SHOC1: variants seen among roughly 807,000 people sequenced by gnomAD.
The protein encoded by SHOC1 is protein shortage in chiasmata 1 ortholog.
SHOC1 carries 136 observed loss-of-function variants against 179.2 expected under a neutral mutation model. The ratio of observed to expected loss-of-function variants is 0.76; its 90% CI spans 0.66 to 0.87. SHOC1 has a LOEUF of 0.87. SHOC1 is among the 40% of genes least tolerant of loss of function. SHOC1 has a pLI of 0.00. For synonymous variants in SHOC1, 489 were observed against 586.6 expected, an observed-to-expected ratio of 0.83 and a Z score of 2.41; for missense variants, 1,538 against 1,700.8, an observed-to-expected ratio of 0.90 and a Z score of 1.68.
At chr9:111,737,006 T>C (rs968466659) in intron 12 of SHOC1, among the ~76,000 whole-genome samples, 15 of 152,098 alleles carry the variant, frequency 9.9e-5, no homozygotes, top group African/African-American at 3.6e-4. Flanking sequence ...AAAGCTACAA[T>C]GAGGTACCAT....
At chr9:111,792,359 A>G (rs1836476160) in intron 1 of SHOC1, among the ~76,000 whole-genome samples, 1 of 151,982 alleles carries the variant, frequency 6.6e-6, no homozygotes, top group African/African-American at 2.4e-5. Context: ...GAGGTGGTGG[A>G]TCACTTGAGG....
Position 111,722,528 on chromosome 9 carries a change from T to C in SHOC1, c.2012A>G (p.Asn671Ser). The change falls in exon 15 of 28, where the codon AAC becomes AGC. Residue 671 changes from asparagine (N) to serine (S), a missense_variant. By Grantham distance (46) the Asn-to-Ser change is conservative. Coordinates refer to ENST00000682961, the MANE Select transcript of SHOC1 (RefSeq NM_001378211.1). ...LEAAASPILK[N>S]LVSLCTLPTA... ...AGGGAGGGTACACAAGGATACAAGGTTTTTTAAGATAGGAGAAGCTGCTGC... is the reference window on the plus strand; with the variant it reads ...AGGGAGGGTACACAAGGATACAAGGCTTTTTAAGATAGGAGAAGCTGCTGC... The C allele has an allele frequency of 6.2e-7, 1 of 1,609,234 alleles. No individual in the cohort carries two copies.
rs1832284501 is a variant in SHOC1, at chr9:111,706,557, T to C, written c.2737+11A>G. Reference sequence around the variant, plus strand: ...ATAAAGCAAAAAAAGGATTTTGGCTTATATTCTTACTTTCTAAAACTGTGT... The same window carrying C: ...ATAAAGCAAAAAAAGGATTTTGGCTCATATTCTTACTTTCTAAAACTGTGT... On this transcript the variant is annotated intron_variant, in intron 20 of 27. Coordinates refer to ENST00000682961, the MANE Select transcript of SHOC1 (RefSeq NM_001378211.1). The C allele has an allele frequency of 6.7e-7, 1 of 1,487,054 alleles. No individual in the cohort carries two copies. The highest frequency in any genetic ancestry group is 2.5e-5 in the East Asian group (1 of 40,500). The allele number at this position is 1,487,054 out of a possible 1,614,324, so 92.1% of individuals were successfully genotyped here.
chr9:111,771,451 G>A (rs1372722390), intron 5 of SHOC1, among the ~76,000 whole-genome samples: 1 of 152,080 alleles, frequency 6.6e-6, no homozygotes, highest in Non-Finnish European at 1.5e-5. Flanking sequence ...AGTATTCTCA[G>A]TATTCTAGAG....
In SHOC1 at chr9:111,727,628, C is replaced by A; in HGVS notation, c.1834+5G>T. On this transcript the variant is annotated splice_donor_5th_base_variant and intron_variant, in intron 13 of 27. Transcript: ENST00000682961. Reference sequence around the variant, plus strand: ...TCTACGGCAAAATATTATTAAATTACTTACCATGTTTTTCATCACTGTTTG... The same window carrying A: ...TCTACGGCAAAATATTATTAAATTAATTACCATGTTTTTCATCACTGTTTG... 1 of 1,553,418 alleles carries A rather than the reference C, an allele frequency of 6.4e-7. No individual in the cohort carries two copies. Among genetic ancestry groups the A allele is most frequent in the East Asian group, 2.3e-5 (1 of 44,042 alleles).
intron 13 of SHOC1, among the ~76,000 whole-genome samples, chr9:111,725,694 G>A (rs957967915): frequency 6.6e-6 from 1 of 152,132 alleles, no homozygotes; most frequent in African/African-American, 2.4e-5. Flanking sequence ...AAAGAGGCCA[G>A]GAACTTAACA....
chr9:111,702,036 C>T lies in SHOC1; in HGVS notation c.3089+69G>A, dbSNP rs1023366348. 3 of 1,139,336 alleles carry T rather than the reference C, an allele frequency of 2.6e-6. No homozygotes were observed. In the African/African-American group the frequency reaches 4.9e-5, roughly 19 times the overall value. 70.6% of individuals were successfully genotyped at this position (1,139,336 alleles called of 1,614,324 possible). The stretch of plus-strand genomic sequence containing the variant: ...CATGCAGAAAATTGCATAGCCATTT[C>T]CATTCAAATAAGAGGACTTAGGATT... On this transcript the variant is annotated intron_variant, in intron 23 of 27. Transcript: ENST00000682961.
intron 19 of SHOC1, 46 bp downstream of exon 19, chr9:111,707,809 G>A: frequency 7.7e-7 from 1 of 1,305,340 alleles, no homozygotes; most frequent in Non-Finnish European, 1.1e-6. Flanking sequence ...CTTTTCCTGT[G>A]AAACTGGTAC....
chr9:111,736,733 A>C (rs1411776607), intron 12 of SHOC1, among the ~76,000 whole-genome samples: 1 of 152,220 alleles, frequency 6.6e-6, no homozygotes, highest in Non-Finnish European at 1.5e-5. Context: ...ATGAAACTAA[A>C]GAGCTTCTGC....
intron 24 of SHOC1, 57 bp downstream of exon 24, chr9:111,699,897 G>T: frequency 2.9e-6 from 3 of 1,048,016 alleles, no homozygotes; most frequent in South Asian, 3.1e-5. Flanking sequence ...ACTTAAGTTT[G>T]AGTATAATTT....
intron 25 of SHOC1, 102 bp from the exon 26 acceptor site, chr9:111,694,050 C>T: frequency 2.1e-6 from 2 of 942,024 alleles, no homozygotes; most frequent in Non-Finnish European, 3.0e-6. Context: ...GTTTAATAGT[C>T]AGTAGTCTTT....
chr9:111,788,266 C>A (rs935518371), intron 2 of SHOC1, among the ~76,000 whole-genome samples: 2 of 151,822 alleles, frequency 1.3e-5, no homozygotes, highest in South Asian at 4.2e-4. Context: ...CCTGCCTCAG[C>A]CTCCTGAGTA....
chr9:111,789,963 A>AT (rs1358322579), intron 2 of SHOC1, among the ~76,000 whole-genome samples: 2 of 152,120 alleles, frequency 1.3e-5, no homozygotes, highest in Non-Finnish European at 2.9e-5. Flanking sequence ...TACTGGAGTA[A>AT]TTTTTTTCCT....
At chr9:111,758,586 T>TCAAAA (rs1386001909) in intron 6 of SHOC1, 109 bp downstream of exon 6, 2 of 1,135,058 alleles carry the variant, frequency 1.8e-6, no homozygotes, top group Non-Finnish European at 2.5e-6. Flanking sequence ...AAGACTCATC[T>TCAAAA]CAAAACAAAA....
Position 111,722,430 on chromosome 9 carries a change from C to T in SHOC1, c.2110G>A (p.Val704Ile), listed in dbSNP as rs1366768809. 3 of 1,601,990 alleles carry T rather than the reference C, an allele frequency of 1.9e-6. No individual in the cohort carries two copies. The highest frequency in any genetic ancestry group is 2.5e-6 in the Non-Finnish European group (3 of 1,177,450). ...TCACCTTGGCGAACAGCATCACTTA[C>T]TACTTTTTCTTGTTCCTTTAAGAGA... ...RFLLKEQEKV[V>I]SDAVRQGTID... The change falls in exon 15 of 28, where the codon GTA (valine) becomes ATA (isoleucine). Residue 704 changes from valine to isoleucine, a missense_variant. Physicochemically the swap from Val to Ile is conservative, Grantham distance 29. Transcript: ENST00000682961.
Position 111,741,471 on chromosome 9 carries a change from T to G in SHOC1, c.1174+5A>C. On this transcript the variant is annotated splice_donor_5th_base_variant and intron_variant, in intron 11 of 27. Transcript: ENST00000682961. ...ATTTATCACTTAAAGGCAATTAATC[T>G]TTACCTGTAAGCAAAAATGGGTTCA... is the stretch of plus-strand genomic sequence containing the variant. The G allele has an allele frequency of 6.4e-7, 1 of 1,571,126 alleles. No homozygotes were observed. Among genetic ancestry groups the G allele is most frequent in the Non-Finnish European group, 8.8e-7 (1 of 1,142,718 alleles).
chr9:111,723,834 G>A lies in SHOC1; in HGVS notation c.1912C>T (p.Gln638Ter), dbSNP rs147615437. 6.2e-7 allele frequency: 1 copy of A among 1,610,998 alleles called. No individual in the cohort carries two copies. The highest frequency in any genetic ancestry group is 8.5e-7 in the Non-Finnish European group (1 of 1,178,024). ...HINKTLEEIN[Q>*]ERGTDSVIEI... ...ATGACACTATCTGTTCCCCTTTCCT[G>A]ATTTATTTCCTCCAGGGTTTTATTA... Residue 638 changes from glutamine (Q) to a stop codon, truncating the protein, a stop_gained, in exon 14 of 28, where the codon CAG (glutamine) becomes TAG (stop). Transcript: ENST00000682961. LOFTEE classifies it high-confidence loss of function.
At chr9:111,756,567 A>C (rs962338299) in intron 7 of SHOC1, 89 bp from the exon 8 acceptor site, 6 of 1,108,210 alleles carry the variant, frequency 5.4e-6, no homozygotes, top group African/African-American at 1.6e-5. Context: ...TGCTTAAATG[A>C]TGTGCCAAAT....
At chr9:111,790,169 C>G (rs542318410) in intron 2 of SHOC1, among the ~76,000 whole-genome samples, 5 of 152,252 alleles carry the variant, frequency 3.3e-5, no homozygotes, top group African/African-American at 1.2e-4. Flanking sequence ...AATTGTAAAA[C>G]CTGTAAAATA....
Sources: gnomAD v4.1 joint callset for allele counts (sites outside exome capture counted in the v4.1 genomes callset) on GRCh38, gnomAD v4.1.1 for gene constraint, MANE v1.5 for transcripts, NCBI Gene and HGNC (gene_info 2026-07-23, HGNC 2026-07-21) for gene names.